The following APC variants were observed in gnomAD, a reference collection of about 807,000 sequenced individuals.
APC encodes the protein adenomatous polyposis coli protein.
Under a neutral mutation model 247.0 loss-of-function variants are expected in APC, and 72 were observed. That is an observed-to-expected ratio of 0.29 (90% confidence interval 0.24 to 0.35). The LOEUF (loss-of-function observed/expected upper bound fraction) is 0.35. APC is among the 10% of genes least tolerant of loss of function. The probability of loss-of-function intolerance (pLI) is 1.00; values close to 1 mark genes in which losing one functional copy is unlikely to be tolerated. For synonymous variants in APC, 1,254 were observed against 1,162.5 expected (o/e 1.08, Z -1.60); for missense variants, 3,400 against 3,360.7 (o/e 1.01, Z -0.29).
At chr5:112,774,459 G>A (rs1354102144) in intron 4 of APC, among the ~76,000 whole-genome samples, 2 of 141,674 alleles carry the variant, frequency 1.4e-5, no homozygotes, top group Admixed American at 1.6e-4. Context: ...TGTTCTGCAA[G>A]ATCGATTTTT....
At chr5:112,810,085 C>G (rs750192469) in intron 8 of APC, 1 of 454,218 alleles carries the variant, frequency 2.2e-6, no homozygotes, top group South Asian at 1.6e-5. Context: ...TTAACTGATA[C>G]AGACTATAAG....
In APC at chr5:112,808,487, A is replaced by T. The variant is rs545284884; in HGVS notation, c.835-7008A>T. Among the ~76,000 whole-genome samples, 137 of 151,572 alleles carry T rather than the reference A, an allele frequency of 9.0e-4. 1 individual carries two copies. Among genetic ancestry groups the T allele is most frequent in the Non-Finnish European group, 1.7e-3 (114 of 67,856 alleles). Reference sequence around the variant, plus strand: ...TTTTTGTTTTTTTAGTCAGGATCTCACTCTCGCCTGGACTAGAGTGCAGTG... The same window carrying T: ...TTTTTGTTTTTTTAGTCAGGATCTCTCTCTCGCCTGGACTAGAGTGCAGTG... On this transcript the variant is annotated intron_variant, in intron 8 of 15. Coordinates refer to ENST00000257430, the MANE Select transcript of APC (RefSeq NM_000038.6).
intron 1 of APC, among the ~76,000 whole-genome samples, chr5:112,739,609 A>G (rs1187454024): frequency 6.6e-6 from 1 of 152,228 alleles, no homozygotes; most frequent in Non-Finnish European, 1.5e-5. Flanking sequence ...CTGTAATACA[A>G]GCTAAACAGG....
At chr5:112,712,922 G>A (rs1016515479) in intron 1 of APC, among the ~76,000 whole-genome samples, 1 of 152,152 alleles carries the variant, frequency 6.6e-6, no homozygotes, top group Non-Finnish European at 1.5e-5. Context: ...TGTAATCCCA[G>A]CACTTGGGGA....
intron 1 of APC, among the ~76,000 whole-genome samples, chr5:112,732,409 A>G (rs1362157990): frequency 6.6e-6 from 1 of 152,196 alleles, no homozygotes; most frequent in Non-Finnish European, 1.5e-5. Context: ...CTAAGCTCAG[A>G]AACTTAGTCC....
rs764056593 is a variant in APC, at chr5:112,839,595, C to G, written c.4001C>G (p.Ser1334Cys). 2 of 1,614,136 alleles carry G rather than the reference C, an allele frequency of 1.2e-6. No individual in the cohort carries two copies. Among genetic ancestry groups the G allele is most frequent in the Non-Finnish European group, 1.7e-6 (2 of 1,180,020 alleles). ...PAVSQHPRTK[S>C]SRLQGSSLSS... ...GTGTCACAGCACCCTAGAACCAAAT[C>G]CAGCAGACTGCAGGGTTCTAGTTTA... The change falls in exon 16 of 16, where the codon TCC becomes TGC. Residue 1334 changes from serine (S) to cysteine (C), a missense_variant. Physicochemically the swap from Ser to Cys is moderately radical, Grantham distance 112 (BLOSUM62 -1). This residue lies in a region of APC where 715 missense variants were observed against 656.6 expected (regional missense o/e 1.09). Coordinates refer to ENST00000257430, the MANE Select transcript of APC (RefSeq NM_000038.6). This position sits in a 1 kb window ranked among gnomAD's most constrained non-coding sequence, Gnocchi z 5.0.
At chr5:112,784,058 T>C (rs1013030594) in intron 6 of APC, among the ~76,000 whole-genome samples, 1 of 152,054 alleles carries the variant, frequency 6.6e-6, no homozygotes, top group Non-Finnish European at 1.5e-5. Flanking sequence ...CCTTTAAATC[T>C]TTTTTGTTTG....
chr5:112,820,782 T>A (rs551406590), intron 10 of APC, among the ~76,000 whole-genome samples: 84 of 152,334 alleles, frequency 5.5e-4, no homozygotes, highest in African/African-American at 2.0e-3. Flanking sequence ...GTCACCCTTT[T>A]AAAAAATATC....
rs749142480 is a variant in APC at position 112,839,993 on chromosome 5, C to T, written c.4399C>T (p.Pro1467Ser). The T allele has an allele frequency of 4.5e-5, 72 of 1,614,100 alleles. No homozygotes were observed. Among genetic ancestry groups the T allele is most frequent in the Non-Finnish European group, 5.8e-5 (69 of 1,180,024 alleles). ...TACTGCTGAAAAGAGAGAGAGTGGA[C>T]CTAAGCAAGCTGCAGTAAATGCTGC... The part of the protein sequence containing the change: ...APTAEKRESG[P>S]KQAAVNAAVQ... The change falls in exon 16 of 16, where the codon CCT (proline) becomes TCT (serine). Residue 1467 changes from proline (P) to serine (S), a missense_variant. Pro to Ser is a moderately conservative substitution (Grantham distance 74, BLOSUM62 -1). Transcript: ENST00000257430. This position sits in a 1 kb window ranked among gnomAD's most constrained non-coding sequence, Gnocchi z 5.0.
intron 11 of APC, among the ~76,000 whole-genome samples, chr5:112,823,520 T>G (rs1301625576): frequency 5.3e-5 from 8 of 152,062 alleles, no homozygotes; most frequent in Non-Finnish European, 1.0e-4. Context: ...AGCACAAGGT[T>G]TTGGCAGTAA....
intron 14 of APC, 107 bp downstream of exon 14, chr5:112,829,079 C>G (rs1764043858): frequency 1.3e-6 from 1 of 794,268 alleles, no homozygotes; most frequent in Non-Finnish European, 2.2e-6. Context: ...GTGTATTATT[C>G]AGTACTATAA....
intron 1 of APC, among the ~76,000 whole-genome samples, chr5:112,751,248 T>G (rs1479229871): frequency 6.6e-6 from 1 of 152,090 alleles, no homozygotes; most frequent in Non-Finnish European, 1.5e-5. Flanking sequence ...TGGTACAATA[T>G]AGTTAACTAC....
intron 6 of APC, among the ~76,000 whole-genome samples, chr5:112,785,039 G>A (rs1758790325): frequency 6.6e-6 from 1 of 152,076 alleles, no homozygotes; most frequent in Non-Finnish European, 1.5e-5. Context: ...ACTCCAACCT[G>A]GGTGACCGAG....
chr5:112,803,125 ACACT>A lies in APC; in HGVS notation c.834+1745_834+1748del, dbSNP rs754925204. Among the ~76,000 whole-genome samples the A allele has an allele frequency of 8.5e-5, 13 of 152,226 alleles. No individual in the cohort carries two copies. In the East Asian group the frequency reaches 1.2e-3, roughly 14 times the overall value. ...GCCATTTAGTTGGCAAAAATCAATA[ACACT>A]CAGTAATGGTGAGCAAACAGGCATT... On this transcript the variant is annotated intron_variant, in intron 8 of 15. Transcript: ENST00000257430.
rs755345693 is a variant in APC at position 112,842,744 on chromosome 5, T to A, written c.7150T>A (p.Leu2384Ile). ...SQQNLTKQTGLSKNASSIPRS... is the reference protein window; with the variant it reads ...SQQNLTKQTGISKNASSIPRS... ...ACAGAACCTTACCAAACAAACAGGT[T>A]TATCCAAGAATGCCAGTAGTATTCC... is the stretch of plus-strand genomic sequence containing the variant. The change falls in exon 16 of 16, where the codon TTA (leucine) becomes ATA (isoleucine). Residue 2384 changes from leucine (L) to isoleucine (I), a missense_variant. Physicochemically the swap from Leu to Ile is conservative, Grantham distance 5 (BLOSUM62 2). Around this residue, in one of 9 missense-constraint regions of APC, gnomAD observed 1,788 missense variants for 1,649.5 expected, o/e 1.08. Transcript: ENST00000257430. 7.4e-6 allele frequency: 12 copies of A among 1,613,964 alleles called. No individual in the cohort carries two copies. In the East Asian group the frequency reaches 2.5e-4, roughly 33 times the overall value.
In APC at chr5:112,804,772, T is replaced by C. The variant is rs75373311; in HGVS notation, c.834+3389T>C. 0.011 allele frequency among the ~76,000 whole-genome samples: 1,717 copies of C among 152,136 alleles called. 95 individuals are homozygous for C. Among genetic ancestry groups the C allele is most frequent in the East Asian group, 0.08 (411 of 5,162 alleles). ...ACTTAGGGAGGCCAAGCGGGAAGGA[T>C]TGCTTCAGGGTAGAAGTTCGAGTTC... On this transcript the variant is annotated intron_variant, in intron 8 of 15. Transcript: ENST00000257430.
chr5:112,773,357 T>C (rs1757264247), intron 4 of APC, among the ~76,000 whole-genome samples: 2 of 152,144 alleles, frequency 1.3e-5, no homozygotes, highest in South Asian at 4.1e-4. Context: ...GAATCTGTAA[T>C]AGAAAATATC....
chr5:112,827,912 CTGTATT>C lies in APC; in HGVS notation c.1549-15_1549-10del. Reference sequence around the variant, plus strand: ...GTTGTCTTTTTAATGATCCTCTATTCTGTATTTAATTTACAGGCTACGCTATGCTCT... The same window carrying C: ...GTTGTCTTTTTAATGATCCTCTATTCTAATTTACAGGCTACGCTATGCTCT... On this transcript the variant is annotated splice_polypyrimidine_tract_variant and intron_variant, in intron 12 of 15. Coordinates refer to ENST00000257430, the MANE Select transcript of APC (RefSeq NM_000038.6). 1 of 1,605,928 alleles carries C rather than the reference CTGTATT, an allele frequency of 6.2e-7. No homozygotes were observed. Among genetic ancestry groups the C allele is most frequent in the Non-Finnish European group, 8.5e-7 (1 of 1,173,250 alleles).
At chr5:112,837,263 A>G (rs552527111) in intron 15 of APC, among the ~76,000 whole-genome samples, 1 of 152,366 alleles carries the variant, frequency 6.6e-6, no homozygotes, top group South Asian at 2.1e-4. Flanking sequence ...TGTTATATGA[A>G]TAGAGTAAAT....
Sources: allele counts gnomAD v4.1 joint callset (sites outside exome capture counted in the v4.1 genomes callset), GRCh38; gene constraint gnomAD v4.1.1; regional missense constraint gnomAD v4.1.1; non-coding constraint Gnocchi (gnomAD v3.1); transcripts MANE v1.5; gene names NCBI Gene and HGNC (gene_info 2026-07-23, HGNC 2026-07-21).